SLC35A3: variants seen among roughly 807,000 people sequenced by gnomAD.
SLC35A3 encodes the protein solute carrier family 35 member A3.
SLC35A3 carries 26 observed loss-of-function variants against 39.0 expected under a neutral mutation model. The observed-to-expected ratio is 0.67, with a 90% confidence interval of 0.49 to 0.92. The LOEUF (loss-of-function observed/expected upper bound fraction) is 0.92. SLC35A3 is among the 40% of genes least tolerant of loss of function. SLC35A3 has a pLI of 0.00. For missense variants in SLC35A3, 299 were observed against 371.6 expected (o/e 0.80, Z 1.61); for synonymous variants, 135 against 133.1 (o/e 1.01, Z -0.10).
At chr1:100,020,168 AATCATTAC>A (rs1167214278) in intron 7 of SLC35A3, among the ~76,000 whole-genome samples, 1 of 152,220 alleles carries the variant, frequency 6.6e-6, no homozygotes, top group Non-Finnish European at 1.5e-5. Context: ...TCCTTGAAGT[AATCATTAC>A]ATTCTGATAG....
chr1:99,995,153 TTTCTTTC>T (rs1553200956), intron 2 of SLC35A3, among the ~76,000 whole-genome samples: 2 of 147,328 alleles, frequency 1.4e-5, no homozygotes, highest in Admixed American at 6.8e-5. Context: ...TCTTTCTTTC[TTTCTTTC>T]TTTTTTTTTC....
intron 5 of SLC35A3, among the ~76,000 whole-genome samples, chr1:100,014,314 G>A (rs762453669): frequency 5.9e-5 from 9 of 152,028 alleles, no homozygotes; most frequent in Non-Finnish European, 1.0e-4. Flanking sequence ...TCAAACTTCT[G>A]GGCTCAAGTG....
intron 1 of SLC35A3, among the ~76,000 whole-genome samples, chr1:99,974,064 A>G (rs181362685): frequency 1.1e-4 from 17 of 152,174 alleles, no homozygotes; most frequent in Admixed American, 9.2e-4. Context: ...CATGTCAGAT[A>G]AAATGCTAAG....
chr1:100,006,343 G>A (rs974477744), intron 3 of SLC35A3, among the ~76,000 whole-genome samples: 18 of 152,190 alleles, frequency 1.2e-4, no homozygotes, highest in Admixed American at 9.2e-4. Flanking sequence ...GCTGCTTGAG[G>A]TAGCAGTGGG....
chr1:99,978,433 G>A (rs999743404), intron 1 of SLC35A3, among the ~76,000 whole-genome samples: 2 of 152,188 alleles, frequency 1.3e-5, no homozygotes, highest in Non-Finnish European at 2.9e-5. Context: ...AGGCTGAGGT[G>A]GGAGTATAGC....
intron 3 of SLC35A3, 132 bp downstream of exon 3, chr1:99,999,547 G>A: frequency 1.9e-6 from 1 of 524,952 alleles, no homozygotes. Flanking sequence ...AGGGTATTTA[G>A]GATATTCATC....
chr1:99,971,916 TGA>T (rs1382530101), intron 1 of SLC35A3, among the ~76,000 whole-genome samples: 4 of 152,170 alleles, frequency 2.6e-5, no homozygotes, highest in Non-Finnish European at 4.4e-5. Flanking sequence ...TCTCTTTTTT[TGA>T]GAGAGTTTTG....
chr1:100,014,476 C>T (rs533783152), intron 5 of SLC35A3, among the ~76,000 whole-genome samples: 2 of 152,276 alleles, frequency 1.3e-5, no homozygotes, highest in East Asian at 3.9e-4. Flanking sequence ...CCTGCTTTGG[C>T]CTTCCAAAGT....
intron 7 of SLC35A3, among the ~76,000 whole-genome samples, chr1:100,021,007 A>T (rs1488916457): frequency 7.9e-5 from 12 of 152,244 alleles, no homozygotes; most frequent in Non-Finnish European, 1.5e-4. Flanking sequence ...TTAAAAACAA[A>T]AAAACAGGAG....
At chr1:99,970,513 C>A in intron 1 of SLC35A3, 3 of 1,518,950 alleles carry the variant, frequency 2.0e-6, no homozygotes, top group South Asian at 1.2e-5. Flanking sequence ...GGCTGGGGCC[C>A]GTCATTCCTT....
chr1:100,015,261 C>A, intron 5 of SLC35A3, 41 bp from the exon 6 acceptor site: 6 of 1,474,866 alleles, frequency 4.1e-6, no homozygotes, highest in South Asian at 2.9e-5. Flanking sequence ...TCTCTTCAGA[C>A]AAACTAAACG....
At chr1:99,977,467 G>A (rs1037626294) in intron 1 of SLC35A3, among the ~76,000 whole-genome samples, 4 of 151,550 alleles carry the variant, frequency 2.6e-5, no homozygotes, top group South Asian at 2.1e-4. Context: ...ACTTGAACTC[G>A]GGAGGTAGAG....
chr1:100,017,657 A>G lies in SLC35A3; in HGVS notation c.754-25A>G, dbSNP rs11166393. 0.048 allele frequency: 70,058 copies of G among 1,454,408 alleles called. 2,195 individuals are homozygous for G. The highest frequency in any genetic ancestry group is 0.14 in the African/African-American group (9,410 of 68,458). The allele number at this position is 1,454,408 out of a possible 1,614,324, so 90.1% of individuals were successfully genotyped here. A position where few individuals can be genotyped will look rare whatever the true frequency, so the allele number is the denominator to read the frequency against. ...AAATGCAGTTTTACATGTGTGTTTT[A>G]AAAAATATTTTTTTAAAACTTCAGG... On this transcript the variant is annotated intron_variant, in intron 6 of 7. Transcript: ENST00000533028.
At chr1:99,996,018 G>A (rs551350166) in intron 2 of SLC35A3, among the ~76,000 whole-genome samples, 3 of 152,312 alleles carry the variant, frequency 2.0e-5, no homozygotes, top group Admixed American at 2.0e-4. Flanking sequence ...TAGTTGCATT[G>A]TAGAGAGATG....
intron 3 of SLC35A3, among the ~76,000 whole-genome samples, chr1:100,002,400 A>G (rs1335170019): frequency 1.3e-5 from 2 of 152,140 alleles, no homozygotes; most frequent in African/African-American, 4.8e-5. Context: ...AGTTGTTCAT[A>G]ATAGTCTCTA....
intron 2 of SLC35A3, 41 bp from the exon 3 acceptor site, chr1:99,999,218 TCA>T: frequency 7.8e-7 from 1 of 1,288,104 alleles, no homozygotes; most frequent in Non-Finnish European, 1.1e-6. Context: ...TGTAACTTAT[TCA>T]GAGTTACTTA....
intron 1 of SLC35A3, among the ~76,000 whole-genome samples, chr1:99,971,368 G>A (rs564517670): frequency 6.6e-6 from 1 of 151,112 alleles, no homozygotes; most frequent in Non-Finnish European, 1.5e-5. Context: ...GTGCAGTGGC[G>A]CAATCTCAGC....
intron 2 of SLC35A3, among the ~76,000 whole-genome samples, chr1:99,998,901 A>G (rs1269703946): frequency 6.6e-6 from 1 of 152,188 alleles, no homozygotes; most frequent in African/African-American, 2.4e-5. Flanking sequence ...AAAATGCACA[A>G]AATACAAGTT....
chr1:99,988,399 T>C (rs544661102), intron 1 of SLC35A3, among the ~76,000 whole-genome samples: 4 of 152,308 alleles, frequency 2.6e-5, no homozygotes, highest in East Asian at 3.9e-4. Context: ...TTCCATTGTA[T>C]GGATATACCA....
Sources: allele counts gnomAD v4.1 joint callset (sites outside exome capture counted in the v4.1 genomes callset), GRCh38; gene constraint gnomAD v4.1.1; transcripts MANE v1.5; gene names NCBI Gene and HGNC (gene_info 2026-07-23, HGNC 2026-07-21).